The following CHCHD6 variants were observed in gnomAD, a reference collection of about 807,000 sequenced individuals.
CHCHD6 encodes coiled-coil-helix-coiled-coil-helix domain containing 6.
In CHCHD6, 28 loss-of-function variants were observed where a neutral mutation model predicts 32.3. The ratio of observed to expected loss-of-function variants is 0.87; its 90% CI spans 0.64 to 1.19. The LOEUF (loss-of-function observed/expected upper bound fraction) is 1.19, where lower values mean the gene tolerates loss of function less well. CHCHD6 is among the 50% of genes most tolerant of loss of function. The pLI is 0.00. For missense variants in CHCHD6, 333 were observed against 307.0 expected (o/e 1.08, Z -0.63); for synonymous variants, 122 against 117.5 (o/e 1.04, Z -0.25).
At chr3:126,729,837 G>A (rs2107657975) in intron 2 of CHCHD6, among the ~76,000 whole-genome samples, 1 of 152,300 alleles carries the variant, frequency 6.6e-6, no homozygotes. Flanking sequence ...GGAGGGAGGT[G>A]TGGGACATCG....
At chr3:126,926,748 T>A (rs1305374842) in intron 6 of CHCHD6, among the ~76,000 whole-genome samples, 1 of 152,112 alleles carries the variant, frequency 6.6e-6, no homozygotes, top group Non-Finnish European at 1.5e-5. Flanking sequence ...AAAAAAGGCT[T>A]TTAAGCAGGG....
chr3:126,741,138 C>T (rs560332906), intron 4 of CHCHD6, among the ~76,000 whole-genome samples: 1 of 152,132 alleles, frequency 6.6e-6, no homozygotes, highest in Non-Finnish European at 1.5e-5. Context: ...TGGACAAACA[C>T]GGGCTGTGAG....
chr3:126,728,063 T>C lies in CHCHD6; in HGVS notation c.196+877T>C, dbSNP rs1559807727. Among the ~76,000 whole-genome samples, 5 of 152,302 alleles carry C rather than the reference T, an allele frequency of 3.3e-5. No homozygotes were observed. In the South Asian group the frequency reaches 1.0e-3, roughly 32 times the overall value. On this transcript the variant is annotated intron_variant, in intron 2 of 7. Coordinates refer to ENST00000290913, the MANE Select transcript of CHCHD6 (RefSeq NM_032343.3). ...ATAACCACCCACTAGATTGTTCTTC[T>C]TGGGCCTGGTCTCGCGTTACAGTTG... is the stretch of plus-strand genomic sequence containing the variant.
intron 6 of CHCHD6, among the ~76,000 whole-genome samples, chr3:126,932,684 T>G (rs13323776): frequency 0.034 from 5,175 of 151,738 alleles, 298 homozygotes; most frequent in African/African-American, 0.12. Flanking sequence ...GCACTGGCAC[T>G]GGCTCCTCAG....
intron 6 of CHCHD6, among the ~76,000 whole-genome samples, chr3:126,932,295 A>T (rs1304382954): frequency 1.3e-5 from 2 of 152,128 alleles, no homozygotes; most frequent in Admixed American, 1.3e-4. Context: ...CATGGAATAG[A>T]GTCCTGGGCC....
Position 126,747,207 on chromosome 3 carries a change from G to T in CHCHD6, c.411+13985G>T, listed in dbSNP as rs78779605. ...TGATGCCTCAGTTTCTCTAACTGAG[G>T]TCTGAAGCCCAGGAAAAGATCTTTA... is the stretch of plus-strand genomic sequence containing the variant. On this transcript the variant is annotated intron_variant, in intron 4 of 7. Transcript: ENST00000290913. Among the ~76,000 whole-genome samples, 433 of 152,250 alleles carry T rather than the reference G, an allele frequency of 2.8e-3. 22 individuals are homozygous for T. The East Asian group carries it at 0.071, about 25-fold the overall frequency.
chr3:126,782,421 C>T (rs529532168), intron 4 of CHCHD6, among the ~76,000 whole-genome samples: 8 of 152,302 alleles, frequency 5.3e-5, no homozygotes, highest in East Asian at 1.9e-4. Context: ...AGGCCCAGGC[C>T]GATGTCATAC....
At chr3:126,746,767 A>G (rs1240157809) in intron 4 of CHCHD6, among the ~76,000 whole-genome samples, 2 of 152,154 alleles carry the variant, frequency 1.3e-5, no homozygotes, top group Non-Finnish European at 2.9e-5. Context: ...GATGAGAAAT[A>G]TGTAGGGCTG....
chr3:126,804,607 G>A (rs1015406228), intron 4 of CHCHD6, among the ~76,000 whole-genome samples: 6 of 151,322 alleles, frequency 4.0e-5, no homozygotes, highest in Non-Finnish European at 7.4e-5. Context: ...GGACCAGACG[G>A]ATTCACAGAG....
intron 1 of CHCHD6, among the ~76,000 whole-genome samples, chr3:126,724,362 G>A (rs1262569519): frequency 2.6e-5 from 4 of 152,168 alleles, no homozygotes; most frequent in African/African-American, 7.2e-5. Flanking sequence ...GTTTCCTAGT[G>A]TATATAAGAG....
At chr3:126,784,466 C>A (rs1173776130) in intron 4 of CHCHD6, among the ~76,000 whole-genome samples, 1 of 152,144 alleles carries the variant, frequency 6.6e-6, no homozygotes, top group Non-Finnish European at 1.5e-5. Flanking sequence ...TACCTGCCCC[C>A]ACTGCCTTGC....
intron 4 of CHCHD6, among the ~76,000 whole-genome samples, chr3:126,850,951 G>GGCATTCCAGAA (rs1941453003): frequency 6.6e-6 from 1 of 152,182 alleles, no homozygotes; most frequent in South Asian, 2.1e-4. Flanking sequence ...GCATTCCAGA[G>GGCATTCCAGAA]GCATTCCAGA....
chr3:126,759,972 C>T (rs553771502), intron 4 of CHCHD6, among the ~76,000 whole-genome samples: 17 of 152,246 alleles, frequency 1.1e-4, no homozygotes, highest in South Asian at 2.1e-4. Context: ...GGGGAATAGG[C>T]GTCTCACATG....
chr3:126,877,217 A>G (rs995963615), intron 5 of CHCHD6, among the ~76,000 whole-genome samples: 1 of 152,142 alleles, frequency 6.6e-6, no homozygotes, highest in Admixed American at 6.6e-5. Flanking sequence ...GACTTTTTAT[A>G]TATAGTTTGG....
chr3:126,943,570 C>T (rs1355560756), intron 6 of CHCHD6, among the ~76,000 whole-genome samples: 3 of 152,210 alleles, frequency 2.0e-5, no homozygotes, highest in Non-Finnish European at 4.4e-5. Context: ...ATCCTAAAAA[C>T]ACATGGTCTG....
chr3:126,807,476 G>A (rs1389244295), intron 4 of CHCHD6, among the ~76,000 whole-genome samples: 2 of 152,006 alleles, frequency 1.3e-5, no homozygotes, highest in Admixed American at 6.6e-5. Flanking sequence ...TGAGTAATTA[G>A]AACAAAAAGA....
rs781019000 is a variant in CHCHD6 at position 126,829,252 on chromosome 3, C to G, written c.412-23395C>G. On this transcript the variant is annotated intron_variant, in intron 4 of 7. Coordinates refer to ENST00000290913, the MANE Select transcript of CHCHD6 (RefSeq NM_032343.3). ...AACTCTCCTTTCTGGGGAGTTCCCCCTCACTCTCCAGATGCTGCACCATCC... is the reference window on the plus strand; with the variant it reads ...AACTCTCCTTTCTGGGGAGTTCCCCGTCACTCTCCAGATGCTGCACCATCC... Among the ~76,000 whole-genome samples, 3 of 152,206 alleles carry G rather than the reference C, an allele frequency of 2.0e-5. No individual in the cohort carries two copies. In the South Asian group the frequency reaches 6.2e-4, roughly 32 times the overall value.
At chr3:126,951,876 C>CT (rs1304170030) in intron 6 of CHCHD6, among the ~76,000 whole-genome samples, 1 of 152,204 alleles carries the variant, frequency 6.6e-6, no homozygotes, top group Non-Finnish European at 1.5e-5. Flanking sequence ...TGGGTACAGT[C>CT]TAACTAGGCC....
intron 4 of CHCHD6, among the ~76,000 whole-genome samples, chr3:126,811,182 C>T (rs1576445718): frequency 6.6e-6 from 1 of 152,126 alleles, no homozygotes; most frequent in East Asian, 1.9e-4. Context: ...TGTTGAACCT[C>T]TAAATCATTT....
Sources: gnomAD v4.1 joint callset for allele counts (sites outside exome capture counted in the v4.1 genomes callset) on GRCh38, gnomAD v4.1.1 for gene constraint, MANE v1.5 for transcripts, NCBI Gene and HGNC (gene_info 2026-07-23, HGNC 2026-07-21) for gene names.